The following CSMD1 variants were observed in gnomAD, a reference collection of about 807,000 sequenced individuals.
CSMD1 encodes CUB and sushi domain-containing protein 1.
In CSMD1, 213 loss-of-function variants were observed where a neutral mutation model predicts 417.5. The observed-to-expected ratio is 0.51, with a 90% CI of 0.46 to 0.57. CSMD1 has a LOEUF of 0.57. Ranked by LOEUF, CSMD1 falls within the 20% of genes least tolerant of loss-of-function variation. CSMD1 has a pLI of 0.00. For synonymous variants in CSMD1, 2,862 were observed against 1,736.8 expected, an observed-to-expected ratio of 1.65 and a Z score of -16.11; for missense variants, 6,923 against 4,529.7, an observed-to-expected ratio of 1.53 and a Z score of -15.17.
chr8:3,656,710 A>G (rs1798128766), intron 7 of CSMD1, among the ~76,000 whole-genome samples: 1 of 152,094 alleles, frequency 6.6e-6, no homozygotes, highest in Admixed American at 6.6e-5. Flanking sequence ...GGCAGATCAC[A>G]AGGTCAGCAG....
chr8:3,811,485 G>T (rs182089102), intron 5 of CSMD1, among the ~76,000 whole-genome samples: 37 of 151,994 alleles, frequency 2.4e-4, no homozygotes, highest in African/African-American at 8.9e-4. Flanking sequence ...TTTCCCAACC[G>T]AGTGCCTGTT....
intron 5 of CSMD1, among the ~76,000 whole-genome samples, chr8:3,807,317 G>A (rs776637907): frequency 2.0e-5 from 3 of 152,034 alleles, no homozygotes; most frequent in Admixed American, 6.6e-5. Flanking sequence ...TACAGTATCT[G>A]GTTTTGTACT....
At chr8:3,857,463 G>C (rs1329998916) in intron 5 of CSMD1, among the ~76,000 whole-genome samples, 2 of 152,106 alleles carry the variant, frequency 1.3e-5, no homozygotes, top group Non-Finnish European at 2.9e-5. Flanking sequence ...GAGAACTTCT[G>C]GACAAATATC....
At chr8:3,355,060 A>G (rs1808691269) in intron 21 of CSMD1, among the ~76,000 whole-genome samples, 1 of 152,026 alleles carries the variant, frequency 6.6e-6, no homozygotes, top group South Asian at 2.1e-4. Flanking sequence ...ATAACTTGTA[A>G]TCCATTCAAA....
chr8:3,991,429 T>C (rs772443505), intron 5 of CSMD1, among the ~76,000 whole-genome samples: 8 of 152,170 alleles, frequency 5.3e-5, no homozygotes, highest in African/African-American at 1.2e-4. Context: ...GACAGCTTCA[T>C]GGTAACATCA....
At chr8:3,305,342 T>C (rs948135229) in intron 25 of CSMD1, among the ~76,000 whole-genome samples, 1 of 152,202 alleles carries the variant, frequency 6.6e-6, no homozygotes, top group Non-Finnish European at 1.5e-5. Context: ...TATTATAAAA[T>C]AGTATGTGCT....
intron 5 of CSMD1, among the ~76,000 whole-genome samples, chr8:3,840,030 G>A (rs1022636227): frequency 6.6e-6 from 1 of 152,118 alleles, no homozygotes; most frequent in Non-Finnish European, 1.5e-5. Flanking sequence ...AGAGTCCTAT[G>A]TTTCTAGGAA....
intron 7 of CSMD1, among the ~76,000 whole-genome samples, chr8:3,699,960 A>G (rs149362046): frequency 7.6e-6 from 1 of 130,880 alleles, no homozygotes; most frequent in Non-Finnish European, 1.7e-5. Flanking sequence ...ATATCCCATA[A>G]CTACATCCCT....
At chr8:3,292,067 C>T (rs541377511) in intron 25 of CSMD1, among the ~76,000 whole-genome samples, 120 of 151,960 alleles carry the variant, frequency 7.9e-4, no homozygotes, top group Non-Finnish European at 1.5e-3. Context: ...TTTATTTCTG[C>T]CTTCATTTCA....
chr8:4,759,261 C>T (rs537856449), intron 1 of CSMD1, among the ~76,000 whole-genome samples: 11 of 152,226 alleles, frequency 7.2e-5, no homozygotes, highest in Admixed American at 2.0e-4. Context: ...TGACTGCCCT[C>T]AGGAAGGATG....
rs541458643 is a variant in CSMD1, at chr8:4,606,829, C to T, written c.302+30513G>A. ...CAAATAGAAAACTAATTTTATAAATCCAGAAATAATATGACATTTTAATTA... is the reference window on the plus strand; with the variant it reads ...CAAATAGAAAACTAATTTTATAAATTCAGAAATAATATGACATTTTAATTA... On this transcript the variant is annotated intron_variant, in intron 2 of 69. Transcript: ENST00000635120. Among the ~76,000 whole-genome samples, 3 of 152,206 alleles carry T rather than the reference C, an allele frequency of 2.0e-5. No homozygotes were observed. In the East Asian group the frequency reaches 5.8e-4, roughly 29 times the overall value.
At chr8:4,536,707 G>C (rs935085896) in intron 2 of CSMD1, among the ~76,000 whole-genome samples, 1 of 152,108 alleles carries the variant, frequency 6.6e-6, no homozygotes, top group South Asian at 2.1e-4. Context: ...AGAATAAAAA[G>C]TTTTGAGTAT....
intron 52 of CSMD1, among the ~76,000 whole-genome samples, chr8:3,013,153 A>G (rs1808531337): frequency 6.6e-6 from 1 of 152,190 alleles, no homozygotes; most frequent in African/African-American, 2.4e-5. Flanking sequence ...AGAAAAATAC[A>G]CTGCTATTAC....
At chr8:4,283,143 T>C (rs1315427547) in intron 3 of CSMD1, among the ~76,000 whole-genome samples, 1 of 152,198 alleles carries the variant, frequency 6.6e-6, no homozygotes, top group African/African-American at 2.4e-5. Flanking sequence ...AACACTCAAT[T>C]GTTGGTTTTG....
chr8:3,795,070 C>A (rs78314019), intron 5 of CSMD1, among the ~76,000 whole-genome samples: 20,262 of 105,788 alleles, frequency 0.19, 3,255 homozygotes, highest in East Asian at 0.28. Flanking sequence ...AGATATATAT[C>A]TATCATGTAC....
rs1024302842 is a variant in CSMD1 at position 4,469,855 on chromosome 8, G to C, written c.303-49790C>G. On this transcript the variant is annotated intron_variant, in intron 2 of 69. Transcript: ENST00000635120. ...ATGACTCGCACACCTACGTGATCTGGCCTTTGGTTTTCCTTTTTTTTTTTT... is the reference window on the plus strand; with the variant it reads ...ATGACTCGCACACCTACGTGATCTGCCCTTTGGTTTTCCTTTTTTTTTTTT... Among the ~76,000 whole-genome samples the C allele has an allele frequency of 3.3e-5, 5 of 150,262 alleles. No homozygotes were observed. In the South Asian group the frequency reaches 6.3e-4, roughly 19 times the overall value.
At chr8:3,313,407 T>A (rs1435999506) in intron 23 of CSMD1, among the ~76,000 whole-genome samples, 1 of 151,862 alleles carries the variant, frequency 6.6e-6, no homozygotes, top group Non-Finnish European at 1.5e-5. Flanking sequence ...TACAATGAAC[T>A]CAAATTTACA....
intron 3 of CSMD1, among the ~76,000 whole-genome samples, chr8:4,171,961 G>A (rs529360423): frequency 1.3e-5 from 2 of 152,124 alleles, no homozygotes; most frequent in African/African-American, 4.8e-5. Context: ...CTTGCATAAT[G>A]TAATAATCAG....
intron 5 of CSMD1, among the ~76,000 whole-genome samples, chr8:3,986,018 C>G (rs1254225096): frequency 6.6e-6 from 1 of 152,068 alleles, no homozygotes; most frequent in Non-Finnish European, 1.5e-5. Flanking sequence ...TCCCCTGCTT[C>G]TCTTTGCTAT....
Sources: gnomAD v4.1 joint callset for allele counts (sites outside exome capture counted in the v4.1 genomes callset) on GRCh38, gnomAD v4.1.1 for gene constraint, MANE v1.5 for transcripts, NCBI Gene and HGNC (gene_info 2026-07-23, HGNC 2026-07-21) for gene names.